The following THSD7B variants were observed in gnomAD, a reference collection of about 807,000 sequenced individuals.
The protein encoded by THSD7B is thrombospondin type-1 domain-containing protein 7B.
THSD7B carries 138 observed loss-of-function variants against 213.6 expected under a neutral mutation model. The observed-to-expected ratio is 0.65, with a 90% CI of 0.56 to 0.74. THSD7B has a LOEUF of 0.74. Among genes scored for constraint, THSD7B ranks in the 30% least tolerant of loss-of-function variants. The pLI is 0.00. For synonymous variants in THSD7B, 742 were observed against 687.0 expected, an observed-to-expected ratio of 1.08 and a Z score of -1.25; for missense variants, 1,931 against 1,991.5, an observed-to-expected ratio of 0.97 and a Z score of 0.58.
At chr2:136,810,762 G>A (rs1370344875) in intron 1 of THSD7B, among the ~76,000 whole-genome samples, 6 of 152,212 alleles carry the variant, frequency 3.9e-5, no homozygotes, top group African/African-American at 1.4e-4. Flanking sequence ...GCTCCCTGAA[G>A]GCATGCTTCT....
At chr2:137,532,349 A>G (rs929945039) in intron 15 of THSD7B, among the ~76,000 whole-genome samples, 20 of 151,884 alleles carry the variant, frequency 1.3e-4, no homozygotes, top group African/African-American at 4.8e-4. Flanking sequence ...GGTACTACTA[A>G]TCATTGAAGA....
In THSD7B at chr2:137,440,578, C is replaced by G. The variant is rs72979649; in HGVS notation, c.2960-10267C>G. Among the ~76,000 whole-genome samples the G allele has an allele frequency of 2.9e-3, 447 of 151,978 alleles. 5 individuals carry two copies. Among genetic ancestry groups the G allele is most frequent in the African/African-American group, 0.01 (433 of 41,462 alleles). ...ATGGCAGATTTCATCTGAAGAGGTC[C>G]TGCTATTCAGTTCCAGCCAATTGTT... On this transcript the variant is annotated intron_variant, in intron 14 of 27. Transcript: ENST00000409968.
chr2:137,366,421 T>A (rs1685409798), intron 12 of THSD7B, among the ~76,000 whole-genome samples: 1 of 151,834 alleles, frequency 6.6e-6, no homozygotes, highest in Non-Finnish European at 1.5e-5. Flanking sequence ...TAAGCCTCAG[T>A]TTTCTCTCCT....
chr2:136,854,883 T>C (rs1683154220), intron 1 of THSD7B, among the ~76,000 whole-genome samples: 1 of 152,042 alleles, frequency 6.6e-6, no homozygotes, highest in Non-Finnish European at 1.5e-5. Context: ...CTCTCCCCCA[T>C]GTTTTCCTAT....
intron 12 of THSD7B, among the ~76,000 whole-genome samples, chr2:137,360,885 A>G (rs1475982976): frequency 6.6e-6 from 1 of 152,112 alleles, no homozygotes; most frequent in African/African-American, 2.4e-5. Flanking sequence ...AGCTCTGAGA[A>G]TGGACAGACT....
At chr2:137,325,576 C>T (rs1684351416) in intron 12 of THSD7B, among the ~76,000 whole-genome samples, 1 of 152,098 alleles carries the variant, frequency 6.6e-6, no homozygotes, top group African/African-American at 2.4e-5. Flanking sequence ...TGAGATAACT[C>T]ACAGACACAC....
rs1290972188 is a variant in THSD7B, at chr2:137,677,037, C to T, written c.*432C>T. The T allele has an allele frequency of 1.3e-5, 2 of 153,360 alleles. No individual in the cohort carries two copies. The highest frequency in any genetic ancestry group is 1.5e-5 in the Non-Finnish European group (1 of 68,576). 9.5% of individuals were successfully genotyped at this position (153,360 alleles called of 1,614,324 possible). On this transcript the variant is annotated 3_prime_UTR_variant, in exon 28 of 28. Transcript: ENST00000409968. ...ATATTAGTGCAAAGTCTTTATTCTT[C>T]CCATACTTCAACACTGAGTTTTCTA...
chr2:137,442,289 A>G (rs972093944), intron 14 of THSD7B, among the ~76,000 whole-genome samples: 1 of 152,106 alleles, frequency 6.6e-6, no homozygotes, highest in African/African-American at 2.4e-5. Flanking sequence ...CTGCTGATCT[A>G]GCTTAATTGT....
intron 3 of THSD7B, among the ~76,000 whole-genome samples, chr2:137,061,445 G>T (rs1687268958): frequency 6.6e-6 from 1 of 150,540 alleles, no homozygotes; most frequent in Non-Finnish European, 1.5e-5. Context: ...TTTGTACTGG[G>T]AAAGAAATCT....
rs145999444 is a variant in THSD7B, at chr2:137,414,791, C to A, written c.2959+2919C>A. ...ATATTATAGGTTAGGTGCAGTGGCT[C>A]ATGCCTGTAATCCTAGCACTTTGGG... On this transcript the variant is annotated intron_variant, in intron 14 of 27. Transcript: ENST00000409968. 4.9e-3 allele frequency among the ~76,000 whole-genome samples: 751 copies of A among 152,172 alleles called. 6 individuals are homozygous for A. The highest frequency in any genetic ancestry group is 0.016 in the African/African-American group (675 of 41,526).
At chr2:137,384,047 T>C (rs1419273345) in intron 12 of THSD7B, among the ~76,000 whole-genome samples, 7 of 152,198 alleles carry the variant, frequency 4.6e-5, no homozygotes, top group Non-Finnish European at 8.8e-5. Flanking sequence ...CCAAGGGTGT[T>C]GAGATTTCCA....
intron 3 of THSD7B, among the ~76,000 whole-genome samples, chr2:137,064,390 A>G (rs772569000): frequency 5.3e-5 from 8 of 151,860 alleles, no homozygotes; most frequent in South Asian, 2.1e-4. Flanking sequence ...TGAGCTTCTT[A>G]TGTAATCTGG....
intron 12 of THSD7B, among the ~76,000 whole-genome samples, chr2:137,333,444 C>T (rs1404154022): frequency 6.6e-6 from 1 of 152,140 alleles, no homozygotes; most frequent in African/African-American, 2.4e-5. Flanking sequence ...GTGTCTGTAC[C>T]TTTTTCCAGG....
chr2:136,994,463 A>G (rs1268590123), intron 2 of THSD7B, among the ~76,000 whole-genome samples: 1 of 152,072 alleles, frequency 6.6e-6, no homozygotes, highest in Non-Finnish European at 1.5e-5. Flanking sequence ...GCTACTTGGG[A>G]GGCTGAGGCA....
intron 5 of THSD7B, among the ~76,000 whole-genome samples, chr2:137,122,571 G>A (rs1438559345): frequency 6.6e-6 from 1 of 152,140 alleles, no homozygotes; most frequent in African/African-American, 2.4e-5. Context: ...AAGGACTGTG[G>A]GTTTAGGGTA....
intron 21 of THSD7B, among the ~76,000 whole-genome samples, chr2:137,643,413 A>G (rs545616013): frequency 8.5e-5 from 13 of 152,358 alleles, no homozygotes; most frequent in African/African-American, 3.1e-4. Flanking sequence ...TGTCAGGATG[A>G]CATTGTCAGG....
chr2:136,927,050 T>G (rs996462298), intron 2 of THSD7B, among the ~76,000 whole-genome samples: 1 of 152,226 alleles, frequency 6.6e-6, no homozygotes, highest in Non-Finnish European at 1.5e-5. Context: ...AAAATATGAT[T>G]TTTTTGTACA....
rs192554816 is a variant in THSD7B at position 137,073,235 on chromosome 2, G to C, written c.950+16005G>C. On this transcript the variant is annotated intron_variant, in intron 3 of 27. Transcript: ENST00000409968. Reference sequence around the variant, plus strand: ...TTCGGCTGTGAATCCATCTGGTCCTGGACTTTTTTTGGTTGGCAAGCTATT... The same window carrying C: ...TTCGGCTGTGAATCCATCTGGTCCTCGACTTTTTTTGGTTGGCAAGCTATT... 3.3e-3 allele frequency among the ~76,000 whole-genome samples: 502 copies of C among 152,178 alleles called. 12 individuals are homozygous for C. The highest frequency in any genetic ancestry group is 0.031 in the Admixed American group (471 of 15,288).
chr2:137,270,707 A>G (rs1423073289), intron 10 of THSD7B, among the ~76,000 whole-genome samples: 2 of 152,170 alleles, frequency 1.3e-5, no homozygotes, highest in African/African-American at 4.8e-5. Flanking sequence ...AGCCTTGGTG[A>G]CTGGTCTGAT....
Sources: gnomAD v4.1 joint callset for allele counts (sites outside exome capture counted in the v4.1 genomes callset) on GRCh38, gnomAD v4.1.1 for gene constraint, MANE v1.5 for transcripts, NCBI Gene and HGNC (gene_info 2026-07-23, HGNC 2026-07-21) for gene names.